PXDN: variants seen among roughly 807,000 people sequenced by gnomAD.
PXDN encodes peroxidasin.
Under a neutral mutation model 140.3 loss-of-function variants are expected in PXDN, and 77 were observed. The observed-to-expected ratio is 0.55, with a 90% CI of 0.46 to 0.66. The LOEUF (loss-of-function observed/expected upper bound fraction) is 0.66, where lower values mean the gene tolerates loss of function less well. PXDN is among the 30% of genes least tolerant of loss of function. The pLI, the probability that PXDN is intolerant of heterozygous loss-of-function variation, is 0.00. For missense variants in PXDN, 1,838 were observed against 2,039.5 expected (o/e 0.90, Z 1.90); for synonymous variants, 911 against 857.4 (o/e 1.06, Z -1.09).
At chr2:1,682,118 AGG>A (rs994263037) in intron 6 of PXDN, among the ~76,000 whole-genome samples, 14 of 152,296 alleles carry the variant, frequency 9.2e-5, no homozygotes, top group South Asian at 8.3e-4. Context: ...CAAACAGGAG[AGG>A]GGGACCTTGC....
At chr2:1,683,828 T>G in intron 5 of PXDN, 101 bp from the exon 6 acceptor site, 1 of 979,404 alleles carries the variant, frequency 1.0e-6, no homozygotes, top group Non-Finnish European at 1.5e-6. Context: ...TTTAAAAAAA[T>G]CTCAGTGATT....
chr2:1,700,330 A>C (rs1430540379), intron 1 of PXDN, among the ~76,000 whole-genome samples: 2 of 152,004 alleles, frequency 1.3e-5, no homozygotes, highest in Non-Finnish European at 2.9e-5. Context: ...CCAAAGTGCT[A>C]GGATTACTGG....
chr2:1,727,642 C>G (rs1189377205), intron 1 of PXDN, among the ~76,000 whole-genome samples: 4 of 152,170 alleles, frequency 2.6e-5, no homozygotes, highest in African/African-American at 7.2e-5. Flanking sequence ...CTCTCAAGAA[C>G]AGTCTCCACC....
rs759316703 is a variant in PXDN at position 1,648,802 on chromosome 2, C to T, written c.2978G>A (p.Arg993His). The stretch of plus-strand genomic sequence containing the variant: ...CTCCGTGGCAATGCGGTTGTGCTCG[C>T]GGAACCACAGCGTGTGCATGCTGGT... Reference protein sequence around the residue: ...GLTSMHTLWFREHNRIATELL... With the variant: ...GLTSMHTLWFHEHNRIATELL... Residue 993 changes from arginine (R) to histidine (H), a missense_variant, in exon 17 of 23, where the codon CGC becomes CAC. Transcript: ENST00000252804. The surrounding 1 kb of genome is among the most constrained non-coding windows in gnomAD (Gnocchi z 8.9). The T allele has an allele frequency of 3.7e-6, 6 of 1,602,738 alleles. No homozygotes were observed. In the East Asian group the frequency reaches 6.8e-5, roughly 18 times the overall value.
In PXDN at chr2:1,649,521, G is replaced by C; in HGVS notation, c.2259C>G (p.His753Gln). The change falls in exon 17 of 23, where the codon CAC (histidine) becomes CAG (glutamine). Residue 753 changes from histidine to glutamine, a missense_variant. Transcript: ENST00000252804. The surrounding 1 kb of genome is among the most constrained non-coding windows in gnomAD (Gnocchi z 7.1). ...CGGTCAGCGAGGCGCCCCACATGGG[G>C]TGCTGCAGGTTGTTACAGGTGCCGT... is the stretch of plus-strand genomic sequence containing the variant. ...THDGTCNNLQ[H>Q]PMWGASLTAF... is the part of the protein sequence containing the mutation. 1 of 1,614,048 alleles carries C rather than the reference G, an allele frequency of 6.2e-7. No individual in the cohort carries two copies. The highest frequency in any genetic ancestry group is 8.5e-7 in the Non-Finnish European group (1 of 1,179,892).
rs575932778 is a variant in PXDN at position 1,713,008 on chromosome 2, A to C, written c.201-19874T>G. Among the ~76,000 whole-genome samples, 137 of 152,288 alleles carry C rather than the reference A, an allele frequency of 9.0e-4. 4 individuals are homozygous for C. The South Asian group carries it at 0.024, about 27-fold the overall frequency. ...CCAAAGTGCTGGGACTACAGGCGTG[A>C]GCCACTGTGTCCGGCCGTTTTGGAG... On this transcript the variant is annotated intron_variant, in intron 1 of 22. Coordinates refer to ENST00000252804, the MANE Select transcript of PXDN (RefSeq NM_012293.3).
intron 1 of PXDN, among the ~76,000 whole-genome samples, chr2:1,706,402 C>A (rs1311470353): frequency 1.3e-5 from 2 of 152,254 alleles, no homozygotes; most frequent in East Asian, 3.8e-4. Flanking sequence ...ATCCTGCTGG[C>A]ATTGCCAGAA....
At chr2:1,690,520 A>G (rs886704038) in intron 3 of PXDN, among the ~76,000 whole-genome samples, 4 of 152,154 alleles carry the variant, frequency 2.6e-5, no homozygotes, top group Non-Finnish European at 5.9e-5. Context: ...GAAATAAAAT[A>G]TTAAAAAACC....
At chr2:1,662,231 A>C (rs1683323080) in intron 12 of PXDN, 47 bp from the exon 13 acceptor site, 3 of 1,485,110 alleles carry the variant, frequency 2.0e-6, no homozygotes, top group African/African-American at 2.8e-5. Flanking sequence ...CAATTACATC[A>C]AAAAACTTCA....
chr2:1,644,874 A>G, intron 17 of PXDN, 122 bp from the exon 18 acceptor site: 1 of 1,126,394 alleles, frequency 8.9e-7, no homozygotes, highest in Non-Finnish European at 1.2e-6. Context: ...ATTTTACTTA[A>G]CAAAGAAAAT....
At position 1,649,711 on chromosome 2, in the gene PXDN, C is replaced by T; in HGVS notation, c.2105-36G>A. 2 of 1,608,944 alleles carry T rather than the reference C, an allele frequency of 1.2e-6. No homozygotes were observed. The highest frequency in any genetic ancestry group is 1.7e-6 in the Non-Finnish European group (2 of 1,176,008). ...GAGAAAAGCAAGACGCACTCAATTC[C>T]CCTGGAGGATGTGTGAGGGCCCGGT... On this transcript the variant is annotated intron_variant, in intron 16 of 22. Transcript: ENST00000252804. This position sits in a 1 kb window ranked among gnomAD's most constrained non-coding sequence, Gnocchi z 7.1.
chr2:1,661,081 G>A (rs1227497147), intron 13 of PXDN, 44 bp from the exon 14 acceptor site: 2 of 1,608,630 alleles, frequency 1.2e-6, no homozygotes, highest in South Asian at 2.2e-5. Flanking sequence ...ATAAGACTAA[G>A]AAGCAGAAGT....
intron 1 of PXDN, among the ~76,000 whole-genome samples, chr2:1,731,152 G>GCGCACACACACACA (rs1553371240): frequency 8.1e-5 from 11 of 136,058 alleles, no homozygotes; most frequent in African/African-American, 3.0e-4. Context: ...GAGCGCGCGC[G>GCGCACACACACACA]CACACACACA....
chr2:1,707,218 A>G (rs1337814957), intron 1 of PXDN, among the ~76,000 whole-genome samples: 7 of 141,314 alleles, frequency 5.0e-5, no homozygotes, highest in Non-Finnish European at 7.7e-5. Flanking sequence ...CACTAATTAT[A>G]CAATCTAAGA....
chr2:1,696,658 T>C (rs796403619), intron 1 of PXDN, among the ~76,000 whole-genome samples: 12 of 152,282 alleles, frequency 7.9e-5, no homozygotes, highest in African/African-American at 2.9e-4. Flanking sequence ...TCTGCATGTG[T>C]GTGTGTTTAC....
At chr2:1,666,106 G>T in intron 10 of PXDN, 108 bp downstream of exon 10, 1 of 1,422,896 alleles carries the variant, frequency 7.0e-7, no homozygotes, top group Non-Finnish European at 9.6e-7. Flanking sequence ...GAGTGAAGTG[G>T]ACAGGGCAGA....
chr2:1,676,451 G>C (rs1683714008), intron 8 of PXDN: 2 of 170,030 alleles, frequency 1.2e-5, no homozygotes, highest in African/African-American at 4.7e-5. Flanking sequence ...CGGGAGCTGA[G>C]CGAACCTGTG....
rs867034129 is a variant in PXDN, at chr2:1,649,022, C to T, written c.2758G>A (p.Glu920Lys). The change falls in exon 17 of 23, where the codon GAG becomes AAG. Residue 920 changes from glutamate (E) to lysine (K), a missense_variant. Physicochemically the swap from Glu to Lys is moderately conservative, Grantham distance 56 (BLOSUM62 1). Transcript: ENST00000252804. The surrounding 1 kb of genome is among the most constrained non-coding windows in gnomAD (Gnocchi z 7.1). ...TCGCGGATGCTGCGGGCCTCATGCT[C>T]CGTGCTCCCGTACACGTTGGATGCG... ...IDASNVYGSTEHEARSIRDLA... is the reference protein window; with the variant it reads ...IDASNVYGSTKHEARSIRDLA... 1.2e-6 allele frequency: 2 copies of T among 1,612,648 alleles called. No individual in the cohort carries two copies. Among genetic ancestry groups the T allele is most frequent in the Admixed American group, 1.7e-5 (1 of 60,022 alleles).
At position 1,634,156 on chromosome 2, in the gene PXDN, G is replaced by C. The variant is rs369453627; in HGVS notation, c.*48C>G. The C allele has an allele frequency of 1.5e-5, 23 of 1,545,804 alleles. No individual in the cohort carries two copies. In the East Asian group the frequency reaches 5.6e-4, roughly 38 times the overall value. ...CGCAGCTCCCTGCCATCGGCCACCC[G>C]ATCTCACGATGGCACAGCAGACAAA... On this transcript the variant is annotated 3_prime_UTR_variant, in exon 23 of 23. Transcript: ENST00000252804.
Sources: gnomAD v4.1 joint callset for allele counts (sites outside exome capture counted in the v4.1 genomes callset) on GRCh38, gnomAD v4.1.1 for gene constraint, Gnocchi (gnomAD v3.1) non-coding constraint, MANE v1.5 for transcripts, NCBI Gene and HGNC (gene_info 2026-07-23, HGNC 2026-07-21) for gene names.